PIP5KL1: variants seen among roughly 807,000 people sequenced by gnomAD.
The protein encoded by PIP5KL1 is phosphatidylinositol-4-phosphate 5-kinase like 1.
Under a neutral mutation model 47.6 loss-of-function variants are expected in PIP5KL1, and 45 were observed. The ratio of observed to expected loss-of-function variants is 0.94; its 90% CI spans 0.74 to 1.21. The LOEUF is 1.21. PIP5KL1 is among the 50% of genes most tolerant of loss of function. The probability of loss-of-function intolerance (pLI) is 0.00; values close to 1 mark genes in which losing one functional copy is unlikely to be tolerated. For missense variants in PIP5KL1, 577 were observed against 547.6 expected (o/e 1.05, Z -0.54); for synonymous variants, 256 against 234.6 (o/e 1.09, Z -0.84).
At chr9:127,922,694 C>CAAAAAAAAAAAAAAAAAAAAAAAAAAAA (rs386416269) in intron 9 of PIP5KL1, among the ~76,000 whole-genome samples, 3 of 89,536 alleles carry the variant, frequency 3.4e-5, no homozygotes, top group Admixed American at 1.4e-4. Flanking sequence ...GACTCTGTCT[C>CAAAAAAAAAAAAAAAAAAAAAAAAAAAA]AAAAAAAAAA....
Position 127,929,685 on chromosome 9 carries a change from C to T in PIP5KL1, c.228+3G>A, listed in dbSNP as rs1280555906. The T allele has an allele frequency of 3.2e-6, 5 of 1,553,804 alleles. No homozygotes were observed. Among genetic ancestry groups the T allele is most frequent in the Non-Finnish European group, 4.4e-6 (5 of 1,143,448 alleles). On this transcript the variant is annotated splice_donor_region_variant and intron_variant, in intron 2 of 9. Coordinates refer to ENST00000388747, the MANE Select transcript of PIP5KL1 (RefSeq NM_001135219.2). This position sits in a 1 kb window ranked among gnomAD's most constrained non-coding sequence, Gnocchi z 4.0. ...AGATTCGTGGGACAGATGGGCCACTCACCGTGGGTGGGTGGTCCATGGAGA... is the reference window on the plus strand; with the variant it reads ...AGATTCGTGGGACAGATGGGCCACTTACCGTGGGTGGGTGGTCCATGGAGA...
Position 127,921,655 on chromosome 9 carries a change from G to A in PIP5KL1, c.*192C>T, listed in dbSNP as rs1471713159. On this transcript the variant is annotated 3_prime_UTR_variant, in exon 10 of 10. Transcript: ENST00000388747. ...TTTGAGGATTAAATGAGCTAAAGTAGGGGAGTCCTTGGCACGATGCTGGGC... is the reference window on the plus strand; with the variant it reads ...TTTGAGGATTAAATGAGCTAAAGTAAGGGAGTCCTTGGCACGATGCTGGGC... The A allele has an allele frequency of 4.1e-5, 30 of 723,304 alleles. No individual in the cohort carries two copies. Among genetic ancestry groups the A allele is most frequent in the Admixed American group, 5.9e-5 (2 of 33,658 alleles). The allele number at this position is 723,304 out of a possible 1,614,324, so 44.8% of individuals were successfully genotyped here. A position where few individuals can be genotyped will look rare whatever the true frequency, so the allele number is the denominator to read the frequency against.
At chr9:127,925,294 C>T (rs1176378488) in intron 8 of PIP5KL1, 34 bp from the exon 9 acceptor site, 1 of 1,603,316 alleles carries the variant, frequency 6.2e-7, no homozygotes, top group Non-Finnish European at 8.5e-7. Flanking sequence ...CCTGAGCGCT[C>T]ATCATGTGCC....
In PIP5KL1 at chr9:127,929,487, A is replaced by G. The variant is rs924678725; in HGVS notation, c.228+201T>C. On this transcript the variant is annotated intron_variant, in intron 2 of 9. Coordinates refer to ENST00000388747, the MANE Select transcript of PIP5KL1 (RefSeq NM_001135219.2). The surrounding 1 kb of genome is among the most constrained non-coding windows in gnomAD (Gnocchi z 4.0). Reference sequence around the variant, plus strand: ...GAGACCCACCTAGAGTCACACAGCAACCACCTGAGTCAGGGGGTTCCTCAC... The same window carrying G: ...GAGACCCACCTAGAGTCACACAGCAGCCACCTGAGTCAGGGGGTTCCTCAC... Among the ~76,000 whole-genome samples the G allele has an allele frequency of 2.0e-5, 3 of 151,952 alleles. No homozygotes were observed. The highest frequency in any genetic ancestry group is 2.9e-5 in the Non-Finnish European group (2 of 67,988).
At chr9:127,930,260 T>A (rs1831418108) in intron 1 of PIP5KL1, among the ~76,000 whole-genome samples, 1 of 152,178 alleles carries the variant, frequency 6.6e-6, no homozygotes, top group Non-Finnish European at 1.5e-5. Context: ...TATGAACTCT[T>A]GTTACTTTTG....
chr9:127,928,157 C>T lies in PIP5KL1; in HGVS notation c.342G>A (p.Leu114=). 6.5e-7 allele frequency: 1 copy of T among 1,542,170 alleles called. No homozygotes were observed. The highest frequency in any genetic ancestry group is 1.4e-5 in the African/African-American group (1 of 72,838). Residue 114 remains leucine (L), a synonymous_variant, in exon 4 of 10, where the codon CTG becomes CTA. Coordinates refer to ENST00000388747, the MANE Select transcript of PIP5KL1 (RefSeq NM_001135219.2). ...AFAWLRRSLG[L]AEEDYQAALG... is the part of the protein sequence containing the mutation. The stretch of plus-strand genomic sequence containing the variant: ...GGGCAGCCTGATAGTCCTCCTCCGC[C>T]AGGCCCAGGGAGCGGCGCAGCCAGG...
At position 127,929,689 on chromosome 9, in the gene PIP5KL1, G is replaced by A. The variant is rs1319053528; in HGVS notation, c.227C>T (p.Thr76Met). Residue 76 changes from threonine to methionine, a missense_variant and splice_region_variant, in exon 2 of 10, where the codon ACG becomes ATG. Transcript: ENST00000388747. This position sits in a 1 kb window ranked among gnomAD's most constrained non-coding sequence, Gnocchi z 4.0. ...TCGTGGGACAGATGGGCCACTCACC[G>A]TGGGTGGGTGGTCCATGGAGACCTG... ...ATQVSMDHPP[T>M]GPPSRDDFSE... 4.5e-6 allele frequency: 7 copies of A among 1,559,124 alleles called. No individual in the cohort carries two copies. Among genetic ancestry groups the A allele is most frequent in the African/African-American group, 2.7e-5 (2 of 73,674 alleles).
intron 7 of PIP5KL1, among the ~76,000 whole-genome samples, chr9:127,926,314 T>G (rs533984432): frequency 6.6e-6 from 1 of 151,396 alleles, no homozygotes; most frequent in East Asian, 1.9e-4. Flanking sequence ...TGGAGTGCAG[T>G]GAAACAAACA....
At position 127,927,518 on chromosome 9, in the gene PIP5KL1, C is replaced by A; in HGVS notation, c.559+130G>T. ...CAGCCCCAGTGGTGCCCCGCCCCCA[C>A]GTATGGCCCCACCCCCATGCCCTAC... On this transcript the variant is annotated intron_variant, in intron 5 of 9. Transcript: ENST00000388747. The surrounding 1 kb of genome is among the most constrained non-coding windows in gnomAD (Gnocchi z 5.5). 7.0e-7 allele frequency: 1 copy of A among 1,435,652 alleles called. No individual in the cohort carries two copies. Among genetic ancestry groups the A allele is most frequent in the Non-Finnish European group, 9.1e-7 (1 of 1,096,704 alleles). The allele number at this position is 1,435,652 out of a possible 1,614,324, so 88.9% of individuals were successfully genotyped here.
rs896522481 is a variant in PIP5KL1 at position 127,929,767 on chromosome 9, T to A, written c.149A>T (p.His50Leu). 25 of 1,570,122 alleles carry A rather than the reference T, an allele frequency of 1.6e-5. No homozygotes were observed. The highest frequency in any genetic ancestry group is 1.9e-5 in the Non-Finnish European group (22 of 1,157,668). Residue 50 changes from histidine to leucine, a missense_variant, in exon 2 of 10, where the codon CAT becomes CTT. Physicochemically the swap from His to Leu is moderately conservative, Grantham distance 99. Transcript: ENST00000388747. The surrounding 1 kb of genome is among the most constrained non-coding windows in gnomAD (Gnocchi z 4.0). ...RLGLFEISPGHELHGMTCMMQ... is the reference protein window; with the variant it reads ...RLGLFEISPGLELHGMTCMMQ... ...CATGCACGTCATCCCATGCAGTTCA[T>A]GCCCCGGGCTGATCTCAAACAGGCC...
At position 127,928,048 on chromosome 9, in the gene PIP5KL1, C is replaced by T. The variant is rs1486095154; in HGVS notation, c.434+17G>A. The T allele has an allele frequency of 1.3e-6, 2 of 1,536,608 alleles. No homozygotes were observed. Among genetic ancestry groups the T allele is most frequent in the Admixed American group, 2.1e-5 (1 of 46,652 alleles). ...GGTACCACTCCCACCCCTGCCCCACCCCTGCCGCAAGCTCACGACAGGAAG... is the reference window on the plus strand; with the variant it reads ...GGTACCACTCCCACCCCTGCCCCACTCCTGCCGCAAGCTCACGACAGGAAG... On this transcript the variant is annotated intron_variant, in intron 4 of 9. Transcript: ENST00000388747.
chr9:127,928,591 A>T, intron 2 of PIP5KL1, 108 bp from the exon 3 acceptor site: 2 of 1,204,430 alleles, frequency 1.7e-6, no homozygotes, highest in Non-Finnish European at 2.3e-6. Context: ...CTCCAATTGG[A>T]TTCCTTCAGC....
At chr9:127,922,633 T>G (rs1241370613) in intron 9 of PIP5KL1, among the ~76,000 whole-genome samples, 5 of 131,248 alleles carry the variant, frequency 3.8e-5, no homozygotes, top group Non-Finnish European at 7.7e-5. Flanking sequence ...GGCGGAGGGT[T>G]GCAGTGAGCC....
At position 127,929,957 on chromosome 9, in the gene PIP5KL1, C is replaced by T. The variant is rs1297968012; in HGVS notation, c.31-72G>A. 10 of 1,299,286 alleles carry T rather than the reference C, an allele frequency of 7.7e-6. No homozygotes were observed. Among genetic ancestry groups the T allele is most frequent in the Middle Eastern group, 2.7e-4 (1 of 3,690 alleles). The allele number at this position is 1,299,286 out of a possible 1,614,324, so 80.5% of individuals were successfully genotyped here. ...GAAAAAGATCAGGGTTCAAGTCCCA[C>T]TTCCACTACTTGTGAGACTTCCCCT... is the stretch of plus-strand genomic sequence containing the variant. On this transcript the variant is annotated intron_variant, in intron 1 of 9. Transcript: ENST00000388747. The surrounding 1 kb of genome is among the most constrained non-coding windows in gnomAD (Gnocchi z 4.0).
In PIP5KL1 at chr9:127,927,300, C is replaced by T. The variant is rs768040970; in HGVS notation, c.591G>A (p.Lys197=). 38 of 1,611,084 alleles carry T rather than the reference C, an allele frequency of 2.4e-5. No homozygotes were observed. Among genetic ancestry groups the T allele is most frequent in the Non-Finnish European group, 3.2e-5 (38 of 1,179,370 alleles). ...GVHSLRVDRG[K]KTYFIVMQSV... The stretch of plus-strand genomic sequence containing the variant: ...ACCTCGCCTCGGCTTCACCCACCTT[C>T]TTTCCCCGGTCCACCCGCAGACTGT... Residue 197 remains lysine, a synonymous_variant, in exon 6 of 10, where the codon AAG becomes AAA. Coordinates refer to ENST00000388747, the MANE Select transcript of PIP5KL1 (RefSeq NM_001135219.2). The surrounding 1 kb of genome is among the most constrained non-coding windows in gnomAD (Gnocchi z 5.5).
intron 9 of PIP5KL1, among the ~76,000 whole-genome samples, chr9:127,923,763 T>G (rs1400249194): frequency 6.6e-6 from 1 of 152,192 alleles, no homozygotes; most frequent in East Asian, 1.9e-4. Context: ...ATCAATGGAG[T>G]GCCTGTCTTA....
rs549841472 is a variant in PIP5KL1, at chr9:127,928,102, G to T, written c.397C>A (p.Leu133Ile). 1.3e-6 allele frequency: 2 copies of T among 1,573,390 alleles called. No homozygotes were observed. The highest frequency in any genetic ancestry group is 1.7e-6 in the Non-Finnish European group (2 of 1,161,296). Residue 133 changes from leucine to isoleucine, a missense_variant, in exon 4 of 10, where the codon CTC becomes ATC. By Grantham distance (5) the Leu-to-Ile change is conservative. Transcript: ENST00000388747. ...CTGGCCTTGCTCTTGGAGGTGCTGAGGAACTGCAGGTAGGGGCCGCCGGGG... is the reference window on the plus strand; with the variant it reads ...CTGGCCTTGCTCTTGGAGGTGCTGATGAACTGCAGGTAGGGGCCGCCGGGG... ...LGPGGPYLQF[L>I]STSKSKASFF...
rs1199604173 is a variant in PIP5KL1 at position 127,921,785 on chromosome 9, G to T, written c.*62C>A. 6.7e-7 allele frequency: 1 copy of T among 1,499,912 alleles called. No homozygotes were observed. Among genetic ancestry groups the T allele is most frequent in the Non-Finnish European group, 8.9e-7 (1 of 1,125,258 alleles). The allele number at this position is 1,499,912 out of a possible 1,614,324, so 92.9% of individuals were successfully genotyped here. On this transcript the variant is annotated 3_prime_UTR_variant, in exon 10 of 10. Coordinates refer to ENST00000388747, the MANE Select transcript of PIP5KL1 (RefSeq NM_001135219.2). ...GCGCAGGCGAGATGCCCGGGCCCGG[G>T]GGAACCGGCGTTCCTGGCGTGAGCC...
intron 1 of PIP5KL1, 76 bp downstream of exon 1, chr9:127,930,647 G>T: frequency 7.0e-7 from 1 of 1,437,838 alleles, no homozygotes; most frequent in Non-Finnish European, 9.2e-7. Flanking sequence ...GCGTGTCCGC[G>T]CCGCTCGCCG....
Sources: gnomAD v4.1 joint callset for allele counts (sites outside exome capture counted in the v4.1 genomes callset) on GRCh38, gnomAD v4.1.1 for gene constraint, Gnocchi (gnomAD v3.1) non-coding constraint, MANE v1.5 for transcripts, NCBI Gene and HGNC (gene_info 2026-07-23, HGNC 2026-07-21) for gene names.